NCKAP5: variants seen among roughly 807,000 people sequenced by gnomAD.
NCKAP5 encodes the protein nck-associated protein 5.
NCKAP5 carries 92 observed loss-of-function variants against 167.0 expected under a neutral mutation model. That is an observed-to-expected ratio of 0.55 (90% CI 0.47 to 0.66). NCKAP5 has a LOEUF of 0.66. NCKAP5 is among the 30% of genes least tolerant of loss of function. The pLI, the probability that NCKAP5 is intolerant of heterozygous loss-of-function variation, is 0.00. For synonymous variants in NCKAP5, 891 were observed against 877.4 expected (o/e 1.02, Z -0.27); for missense variants, 2,378 against 2,315.0 (o/e 1.03, Z -0.56).
chr2:133,178,607 C>T (rs1574285232), intron 5 of NCKAP5, among the ~76,000 whole-genome samples: 1 of 147,838 alleles, frequency 6.8e-6, no homozygotes, highest in South Asian at 2.1e-4. Context: ...GGGCGGATCA[C>T]GAGGTCAGAA....
the NCKAP5 span, among the ~76,000 whole-genome samples, chr2:133,670,460 A>G: frequency 6.6e-6 from 1 of 152,168 alleles, no homozygotes; most frequent in Non-Finnish European, 1.5e-5. Context: ...CATATACATG[A>G]ATCTCCCTTG....
At chr2:133,473,484 T>C (rs1360862961) in intron 3 of NCKAP5, among the ~76,000 whole-genome samples, 1 of 152,020 alleles carries the variant, frequency 6.6e-6, no homozygotes, top group East Asian at 1.9e-4. Flanking sequence ...TTTCATGGGG[T>C]TGTGAGGAGA....
chr2:132,985,321 A>G (rs779387470), intron 7 of NCKAP5, among the ~76,000 whole-genome samples: 7 of 152,180 alleles, frequency 4.6e-5, no homozygotes, highest in Non-Finnish European at 7.3e-5. Flanking sequence ...AAGAATGTAC[A>G]TATCTATTTC....
At chr2:132,931,395 AC>A (rs1202142838) in intron 8 of NCKAP5, 1 of 151,340 alleles carries the variant, frequency 6.6e-6, no homozygotes, top group Non-Finnish European at 1.5e-5. Flanking sequence ...TTTCCCTTCT[AC>A]CATGTGGCTG....
chr2:133,202,068 A>G (rs568469137), intron 5 of NCKAP5, among the ~76,000 whole-genome samples: 3 of 152,280 alleles, frequency 2.0e-5, no homozygotes, highest in East Asian at 1.9e-4. Context: ...AAAAGAGCCC[A>G]CATTGCCGAG....
chr2:133,148,543 CT>C (rs2083280464), intron 5 of NCKAP5, among the ~76,000 whole-genome samples: 2 of 152,072 alleles, frequency 1.3e-5, no homozygotes, highest in Non-Finnish European at 2.9e-5. Flanking sequence ...AATTTGCTGT[CT>C]TAGTATGGGC....
the NCKAP5 span, chr2:133,595,975 T>C: frequency 2.6e-5 from 4 of 152,210 alleles, no homozygotes; most frequent in Admixed American, 6.5e-5. Context: ...CAGTGCATAC[T>C]TGTATCAAAA....
rs77537222 is a variant in NCKAP5 at position 133,147,474 on chromosome 2, T to C, written c.208-17363A>G. 2.2e-3 allele frequency among the ~76,000 whole-genome samples: 334 copies of C among 152,284 alleles called. 8 individuals carry two copies. The East Asian group carries it at 0.062, about 28-fold the overall frequency. On this transcript the variant is annotated intron_variant, in intron 5 of 19. Transcript: ENST00000409261. ...CATATCGCTAATAATTGTTGAATGA[T>C]ATGAATAAGCTCCAGAAGGTATAAA... is the stretch of plus-strand genomic sequence containing the variant.
At chr2:133,434,008 T>A (rs1690318610) in intron 3 of NCKAP5, 1 of 152,104 alleles carries the variant, frequency 6.6e-6, no homozygotes, top group South Asian at 2.1e-4. Context: ...GTAGTCCAGT[T>A]AAGTTTGGTA....
chr2:133,173,188 G>A (rs1471050377), intron 5 of NCKAP5, among the ~76,000 whole-genome samples: 2 of 152,162 alleles, frequency 1.3e-5, no homozygotes, highest in East Asian at 3.9e-4. Context: ...ATTTGGGGAT[G>A]GCAGGAGGTT....
chr2:132,699,947 C>T (rs1687720937), intron 19 of NCKAP5, among the ~76,000 whole-genome samples: 1 of 152,228 alleles, frequency 6.6e-6, no homozygotes, highest in South Asian at 2.1e-4. Context: ...GTCCCACCAA[C>T]AATGTAAAAG....
rs1688724355 is a variant in NCKAP5, at chr2:133,568,445, G to A, written c.-359C>T. ...TTTGCGGAGACTTGCTCCCTGGGCT[G>A]CGGCTCCGTAGTTGCTTCGAGCTTG... On this transcript the variant is annotated 5_prime_UTR_variant, in exon 1 of 20. Coordinates refer to ENST00000409261, the MANE Select transcript of NCKAP5 (RefSeq NM_207363.3). 6.6e-6 allele frequency: 1 copy of A among 152,188 alleles called. No individual in the cohort carries two copies. The highest frequency in any genetic ancestry group is 1.5e-5 in the Non-Finnish European group (1 of 68,040). The allele number at this position is 152,188 out of a possible 1,614,324, so 9.4% of individuals were successfully genotyped here. A position where few individuals can be genotyped will look rare whatever the true frequency, so the allele number is the denominator to read the frequency against.
intron 3 of NCKAP5, among the ~76,000 whole-genome samples, chr2:133,491,729 T>A (rs544720946): frequency 6.6e-6 from 1 of 152,296 alleles, no homozygotes; most frequent in Non-Finnish European, 1.5e-5. Flanking sequence ...GGGAGCATAG[T>A]TGAAGGGCCA....
chr2:132,755,970 C>T (rs374990463), intron 16 of NCKAP5, among the ~76,000 whole-genome samples: 6 of 152,040 alleles, frequency 3.9e-5, no homozygotes, highest in South Asian at 2.1e-4. Context: ...ACATTTAATG[C>T]TCTCCATAAT....
At chr2:132,676,754 C>G (rs1684547892) in intron 19 of NCKAP5, among the ~76,000 whole-genome samples, 1 of 152,124 alleles carries the variant, frequency 6.6e-6, no homozygotes, top group South Asian at 2.1e-4. Flanking sequence ...AGTGTGTGTT[C>G]TGTACAGACA....
At chr2:132,740,777 T>C (rs1487994953) in intron 16 of NCKAP5, among the ~76,000 whole-genome samples, 1 of 152,078 alleles carries the variant, frequency 6.6e-6, no homozygotes, top group Non-Finnish European at 1.5e-5. Context: ...GACCAGACTT[T>C]GGGAGTCTTG....
At chr2:133,019,683 GT>G (rs2078459532) in intron 6 of NCKAP5, among the ~76,000 whole-genome samples, 1 of 152,178 alleles carries the variant, frequency 6.6e-6, no homozygotes, top group Admixed American at 6.5e-5. Flanking sequence ...TGCATTGGAT[GT>G]ATCTAATCAT....
At chr2:133,439,938 T>G (rs899871090) in intron 3 of NCKAP5, among the ~76,000 whole-genome samples, 7 of 152,214 alleles carry the variant, frequency 4.6e-5, no homozygotes, top group African/African-American at 1.7e-4. Context: ...AATGCCTACA[T>G]AATTAGTCTC....
intron 19 of NCKAP5, among the ~76,000 whole-genome samples, chr2:132,680,493 C>T (rs747122125): frequency 6.6e-6 from 1 of 152,068 alleles, no homozygotes; most frequent in Non-Finnish European, 1.5e-5. Flanking sequence ...GGGAAATAAA[C>T]TCACTTTTTG....
Sources: allele counts gnomAD v4.1 joint callset (sites outside exome capture counted in the v4.1 genomes callset), GRCh38; gene constraint gnomAD v4.1.1; transcripts MANE v1.5; gene names NCBI Gene and HGNC (gene_info 2026-07-23, HGNC 2026-07-21).